The following LRRC4C variants were observed in gnomAD, a reference collection of about 807,000 sequenced individuals.
LRRC4C encodes the protein leucine rich repeat containing 4C.
In LRRC4C, 5 loss-of-function variants were observed where a neutral mutation model predicts 33.6. That is an observed-to-expected ratio of 0.15 (90% confidence interval 0.08 to 0.31). LRRC4C has a LOEUF of 0.31. Ranked by LOEUF, LRRC4C falls within the 10% of genes least tolerant of loss-of-function variation. LRRC4C has a pLI of 1.00. For missense variants in LRRC4C, 560 were observed against 796.7 expected, an observed-to-expected ratio of 0.70 and a Z score of 3.58; for synonymous variants, 329 against 302.0, an observed-to-expected ratio of 1.09 and a Z score of -0.93.
chr11:40,855,226 A>C (rs932510659), intron 2 of LRRC4C, among the ~76,000 whole-genome samples: 3 of 152,192 alleles, frequency 2.0e-5, no homozygotes, highest in Non-Finnish European at 4.4e-5. Context: ...AAGCATCTAA[A>C]GTGTTCTAAC....
intron 3 of LRRC4C, among the ~76,000 whole-genome samples, chr11:40,623,225 A>G (rs1478464110): frequency 6.6e-6 from 1 of 151,852 alleles, no homozygotes; most frequent in Non-Finnish European, 1.5e-5. Flanking sequence ...ATATCTTGAT[A>G]TGTTCATCTT....
At chr11:40,722,229 C>T (rs1303416537) in intron 2 of LRRC4C, among the ~76,000 whole-genome samples, 2 of 152,052 alleles carry the variant, frequency 1.3e-5, no homozygotes, top group Non-Finnish European at 2.9e-5. Context: ...ACATATATTG[C>T]TTTTGAAATT....
chr11:41,356,187 C>A (rs1203816771), intron 1 of LRRC4C, among the ~76,000 whole-genome samples: 1 of 152,074 alleles, frequency 6.6e-6, no homozygotes, highest in Admixed American at 6.6e-5. Flanking sequence ...TTAAGCTAGA[C>A]CCACCCATTC....
chr11:40,631,583 G>A (rs1963483291), intron 3 of LRRC4C, among the ~76,000 whole-genome samples: 1 of 152,178 alleles, frequency 6.6e-6, no homozygotes, highest in Admixed American at 6.5e-5. Flanking sequence ...GCTTCAGAAA[G>A]TTTGTGGACC....
At chr11:40,783,333 T>C (rs1950293533) in intron 2 of LRRC4C, among the ~76,000 whole-genome samples, 1 of 152,052 alleles carries the variant, frequency 6.6e-6, no homozygotes, top group African/African-American at 2.4e-5. Flanking sequence ...TCTTGCTCCG[T>C]CACCCAGGCT....
intron 3 of LRRC4C, among the ~76,000 whole-genome samples, chr11:40,602,784 G>A (rs1333516229): frequency 1.3e-5 from 2 of 152,116 alleles, no homozygotes; most frequent in Non-Finnish European, 2.9e-5. Flanking sequence ...GTACAGTGTT[G>A]GGTTTCGAAA....
chr11:41,061,603 A>G lies in LRRC4C; in HGVS notation c.-495-127880T>C, dbSNP rs146713820. Among the ~76,000 whole-genome samples, 108 of 152,330 alleles carry G rather than the reference A, an allele frequency of 7.1e-4. 4 individuals carry two copies. The East Asian group carries it at 0.019, about 27-fold the overall frequency. ...AATATTTTTAAATCAAGTTTCTTAA[A>G]TCTTTCTAAATCAAGTATCTAGTTC... is the stretch of plus-strand genomic sequence containing the variant. On this transcript the variant is annotated intron_variant, in intron 1 of 6. Coordinates refer to ENST00000528697, the MANE Select transcript of LRRC4C (RefSeq NM_001258419.2).
At chr11:41,257,716 T>C (rs1948846698) in intron 1 of LRRC4C, among the ~76,000 whole-genome samples, 1 of 152,058 alleles carries the variant, frequency 6.6e-6, no homozygotes, top group Admixed American at 6.6e-5. Flanking sequence ...CAATAAGATG[T>C]AGGCCGATAC....
chr11:40,694,805 T>C (rs1421607067), intron 2 of LRRC4C, among the ~76,000 whole-genome samples: 2 of 152,262 alleles, frequency 1.3e-5, no homozygotes, highest in Middle Eastern at 3.4e-3. Context: ...TGATATAGGT[T>C]GGCTTGTTTC....
At chr11:41,202,398 C>G (rs1164031506) in intron 1 of LRRC4C, among the ~76,000 whole-genome samples, 4 of 152,114 alleles carry the variant, frequency 2.6e-5, no homozygotes, top group Non-Finnish European at 5.9e-5. Flanking sequence ...AAGTTTAACC[C>G]CAAACCTGAA....
At chr11:40,852,026 A>G (rs1028050940) in intron 2 of LRRC4C, among the ~76,000 whole-genome samples, 1 of 152,038 alleles carries the variant, frequency 6.6e-6, no homozygotes, top group East Asian at 1.9e-4. Flanking sequence ...ACAGGGTTTC[A>G]CCATGTTGGC....
chr11:40,578,168 T>TTTTTTTTTTTTTTA (rs1591161889), intron 3 of LRRC4C, among the ~76,000 whole-genome samples: 1 of 137,016 alleles, frequency 7.3e-6, no homozygotes, highest in Non-Finnish European at 1.6e-5. Context: ...TTTTTTTTTT[T>TTTTTTTTTTTTTTA]TTGCCTCTTA....
intron 3 of LRRC4C, among the ~76,000 whole-genome samples, chr11:40,433,061 A>T (rs569696801): frequency 6.6e-6 from 1 of 152,300 alleles, no homozygotes; most frequent in East Asian, 1.9e-4. Context: ...ACTAAACCAC[A>T]TATATCTCCA....
chr11:40,582,039 T>C (rs546879329), intron 3 of LRRC4C, among the ~76,000 whole-genome samples: 1 of 152,194 alleles, frequency 6.6e-6, no homozygotes, highest in African/African-American at 2.4e-5. Context: ...AGAAAAGTTA[T>C]AGTCCATCTA....
intron 1 of LRRC4C, among the ~76,000 whole-genome samples, chr11:41,342,169 A>G (rs1297774958): frequency 6.6e-6 from 1 of 152,210 alleles, no homozygotes; most frequent in African/African-American, 2.4e-5. Flanking sequence ...GAGTGACAAC[A>G]CTGCCTAAAA....
At chr11:40,509,770 G>C (rs1955220116) in intron 3 of LRRC4C, among the ~76,000 whole-genome samples, 1 of 152,124 alleles carries the variant, frequency 6.6e-6, no homozygotes, top group African/African-American at 2.4e-5. Flanking sequence ...CCATTTATTT[G>C]AAACAGTGAG....
chr11:40,199,349 T>TGTTTA (rs1215388280), intron 5 of LRRC4C, among the ~76,000 whole-genome samples: 4 of 152,248 alleles, frequency 2.6e-5, no homozygotes, highest in Non-Finnish European at 4.4e-5. Flanking sequence ...GGGATTACAG[T>TGTTTA]AGTGAACCAC....
chr11:40,675,145 T>C (rs1249870510), intron 2 of LRRC4C, among the ~76,000 whole-genome samples: 8 of 152,130 alleles, frequency 5.3e-5, no homozygotes, highest in Non-Finnish European at 7.4e-5. Flanking sequence ...TTAAGACCCC[T>C]TACTTACATG....
chr11:40,309,801 C>CTG (rs1565258830), intron 4 of LRRC4C, among the ~76,000 whole-genome samples: 1 of 152,094 alleles, frequency 6.6e-6, no homozygotes, highest in Non-Finnish European at 1.5e-5. Flanking sequence ...GACACCATGC[C>CTG]CCACCAAAAG....
Sources: allele counts gnomAD v4.1 joint callset (sites outside exome capture counted in the v4.1 genomes callset), GRCh38; gene constraint gnomAD v4.1.1; transcripts MANE v1.5; gene names NCBI Gene and HGNC (gene_info 2026-07-23, HGNC 2026-07-21).